Variants in STON2 observed in about 807,000 individuals in gnomAD.
The protein encoded by STON2 is stonin 2, also known as stonin-2.
Under a neutral mutation model 65.7 loss-of-function variants are expected in STON2, and 29 were observed. The ratio of observed to expected loss-of-function variants is 0.44; its 90% CI spans 0.33 to 0.60. STON2 has a LOEUF of 0.60. Among genes scored for constraint, STON2 ranks in the 20% least tolerant of loss-of-function variants. The pLI is 0.03. For missense variants in STON2, 1,054 were observed against 1,118.1 expected, an observed-to-expected ratio of 0.94 and a Z score of 0.82; for synonymous variants, 404 against 414.2, an observed-to-expected ratio of 0.98 and a Z score of 0.30.
chr14:81,265,605 A>T lies in STON2; in HGVS notation c.*2809T>A, dbSNP rs1026741792. The T allele has an allele frequency of 1.9e-5, 8 of 417,438 alleles. No homozygotes were observed. The highest frequency in any genetic ancestry group is 2.6e-5 in the Non-Finnish European group (8 of 311,246). The allele number at this position is 417,438 out of a possible 1,614,324, so 25.9% of individuals were successfully genotyped here. On this transcript the variant is annotated 3_prime_UTR_variant, in exon 8 of 8. Coordinates refer to ENST00000614646, the MANE Select transcript of STON2 (RefSeq NM_001394390.1). ...GGTTGCAATGAGCCGAGATCACGCC[A>T]TTGCACTCCAGCCTGGGCGACAAGA...
chr14:81,371,337 G>A, intron 3 of STON2, 152 bp from the exon 4 acceptor site: 1 of 706,468 alleles, frequency 1.4e-6, no homozygotes, highest in East Asian at 2.7e-5. Flanking sequence ...TATCACTCAT[G>A]ACACAGACAG....
chr14:81,398,185 CT>C, intron 2 of STON2, 109 bp downstream of exon 2: 2 of 711,968 alleles, frequency 2.8e-6, no homozygotes, highest in Non-Finnish European at 2.2e-6. Context: ...GAAACTGACC[CT>C]TTTTTCTATA....
rs138939263 is a variant in STON2 at position 81,371,021 on chromosome 14, T to C, written c.538A>G (p.Thr180Ala). 84 of 1,613,066 alleles carry C rather than the reference T, an allele frequency of 5.2e-5. 1 individual carries two copies. Among genetic ancestry groups the C allele is most frequent in the Non-Finnish European group, 7.1e-5 (84 of 1,180,000 alleles). ...TCAGCCCCAGAAGCCTGGCCACTCG[T>C]CTGCTCCTCAGCATTGATGAGCTGC... Reference protein sequence around the residue: ...DLQLINAEEQTSGQASGADST... With the variant: ...DLQLINAEEQASGQASGADST... Residue 180 changes from threonine (T) to alanine (A), a missense_variant, in exon 4 of 8, where the codon ACG becomes GCG. Transcript: ENST00000614646.
chr14:81,352,331 G>GA (rs2140318177), intron 4 of STON2, among the ~76,000 whole-genome samples: 1 of 152,320 alleles, frequency 6.6e-6, no homozygotes, highest in East Asian at 1.9e-4. Context: ...TGACTAAGTG[G>GA]AAGGTACTGC....
intron 5 of STON2, among the ~76,000 whole-genome samples, chr14:81,288,753 T>C (rs536664947): frequency 1.3e-5 from 2 of 150,198 alleles, no homozygotes; most frequent in Admixed American, 1.3e-4. Context: ...TTTCGGAGGT[T>C]AAAAGAGAAG....
At chr14:81,347,902 C>CAAAAAAAAAAAAAAA (rs755109204) in intron 4 of STON2, among the ~76,000 whole-genome samples, 21 of 51,552 alleles carry the variant, frequency 4.1e-4, no homozygotes, top group Non-Finnish European at 5.2e-4. Flanking sequence ...TGTCTCTTAC[C>CAAAAAAAAAAAAAAA]AAAAAAAAAA....
intron 5 of STON2, among the ~76,000 whole-genome samples, chr14:81,300,795 C>T (rs983298465): frequency 6.6e-6 from 1 of 152,086 alleles, no homozygotes; most frequent in Admixed American, 6.6e-5. Context: ...TAAACATTCA[C>T]CTACTTTATG....
At chr14:81,284,008 G>GT (rs1223250883) in intron 5 of STON2, among the ~76,000 whole-genome samples, 1 of 152,140 alleles carries the variant, frequency 6.6e-6, no homozygotes, top group Non-Finnish European at 1.5e-5. Context: ...TGATACTATT[G>GT]TAACTGTTTT....
chr14:81,375,048 G>A (rs1002004120), intron 3 of STON2, among the ~76,000 whole-genome samples: 2 of 152,130 alleles, frequency 1.3e-5, no homozygotes, highest in Non-Finnish European at 2.9e-5. Context: ...CAGAGCAGGA[G>A]AAGCCAATGT....
intron 5 of STON2, among the ~76,000 whole-genome samples, chr14:81,285,205 T>C (rs900862305): frequency 6.6e-6 from 1 of 152,264 alleles, no homozygotes; most frequent in Non-Finnish European, 1.5e-5. Flanking sequence ...CTGCCATAGA[T>C]AGTAATTCCT....
At chr14:81,338,326 C>T (rs1021279762) in intron 4 of STON2, among the ~76,000 whole-genome samples, 5 of 152,112 alleles carry the variant, frequency 3.3e-5, no homozygotes, top group African/African-American at 1.2e-4. Flanking sequence ...ATCAATCATG[C>T]CTATGTAATA....
At chr14:81,316,281 C>T (rs1896615901) in intron 5 of STON2, among the ~76,000 whole-genome samples, 1 of 152,240 alleles carries the variant, frequency 6.6e-6, no homozygotes, top group East Asian at 1.9e-4. Flanking sequence ...ATAGTCTCCT[C>T]GCCGTCTATT....
At chr14:81,322,078 C>T (rs762559609) in intron 5 of STON2, among the ~76,000 whole-genome samples, 60 of 152,194 alleles carry the variant, frequency 3.9e-4, no homozygotes, top group African/African-American at 1.1e-3. Flanking sequence ...AAAAACCTGT[C>T]GTGTTTGCTG....
upstream of STON2, among the ~76,000 whole-genome samples, chr14:81,403,866 C>A (rs567735496): frequency 3.9e-5 from 6 of 152,326 alleles, no homozygotes; most frequent in African/African-American, 1.4e-4. Flanking sequence ...ACACTTCCCA[C>A]TTGCCCTTTA....
At chr14:81,344,382 T>C (rs552917119) in intron 4 of STON2, among the ~76,000 whole-genome samples, 9 of 152,322 alleles carry the variant, frequency 5.9e-5, no homozygotes, top group African/African-American at 2.2e-4. Context: ...TTTAGAAATA[T>C]ACATATAAAC....
chr14:81,300,812 C>T (rs941845951), intron 5 of STON2, among the ~76,000 whole-genome samples: 1 of 152,108 alleles, frequency 6.6e-6, no homozygotes, highest in African/African-American at 2.4e-5. Context: ...TATGACCCAA[C>T]AATTCTACTC....
intron 4 of STON2, among the ~76,000 whole-genome samples, chr14:81,330,736 T>G (rs1039153207): frequency 5.3e-5 from 8 of 152,152 alleles, no homozygotes; most frequent in Admixed American, 4.6e-4. Flanking sequence ...GCTAGTTTTA[T>G]TTTCCTAGCT....
At chr14:81,333,692 C>T (rs1487946513) in intron 4 of STON2, among the ~76,000 whole-genome samples, 1 of 152,196 alleles carries the variant, frequency 6.6e-6, no homozygotes, top group Admixed American at 6.5e-5. Flanking sequence ...TTGAGCTTCA[C>T]TTGGGATACT....
Position 81,263,292 on chromosome 14 carries a change from A to T in STON2, c.*5122T>A, listed in dbSNP as rs543524512. 1.3e-4 allele frequency: 44 copies of T among 345,694 alleles called. No homozygotes were observed. In the South Asian group the frequency reaches 4.8e-3, roughly 37 times the overall value. 21.4% of individuals were successfully genotyped at this position (345,694 alleles called of 1,614,324 possible). A position where few individuals can be genotyped will look rare whatever the true frequency, so the allele number is the denominator to read the frequency against. ...GGCGGCTCATGCCTGTTATCCTAGC[A>T]CTCTGGGAGGCTAAGGCGGGTGGAT... On this transcript the variant is annotated 3_prime_UTR_variant, in exon 8 of 8. Coordinates refer to ENST00000614646, the MANE Select transcript of STON2 (RefSeq NM_001394390.1).
Sources: gnomAD v4.1 joint callset for allele counts (sites outside exome capture counted in the v4.1 genomes callset) on GRCh38, gnomAD v4.1.1 for gene constraint, MANE v1.5 for transcripts, NCBI Gene and HGNC (gene_info 2026-07-23, HGNC 2026-07-21) for gene names.